The following GRAMD4 variants were observed in gnomAD, a reference collection of about 807,000 sequenced individuals.
GRAMD4 encodes GRAM domain containing 4.
Under a neutral mutation model 83.9 loss-of-function variants are expected in GRAMD4, and 25 were observed. The observed-to-expected ratio is 0.30, with a 90% CI of 0.22 to 0.42. The LOEUF (loss-of-function observed/expected upper bound fraction) is 0.42. Ranked by LOEUF, GRAMD4 falls within the 10% of genes least tolerant of loss-of-function variation. The probability of loss-of-function intolerance (pLI) is 1.00; values close to 1 mark genes in which losing one functional copy is unlikely to be tolerated. For synonymous variants in GRAMD4, 336 were observed against 320.9 expected (o/e 1.05, Z -0.50); for missense variants, 593 against 788.7 (o/e 0.75, Z 2.97).
chr22:46,646,149 G>A (rs1294489870), intron 3 of GRAMD4, among the ~76,000 whole-genome samples: 1 of 152,212 alleles, frequency 6.6e-6, no homozygotes, highest in African/African-American at 2.4e-5. Flanking sequence ...GCTGGAGGGT[G>A]CTCCCCTAGG....
At chr22:46,587,973 G>T (rs2081167746) in intron 1 of GRAMD4, 1 of 984,076 alleles carries the variant, frequency 1.0e-6, no homozygotes, top group Middle Eastern at 5.2e-4. Context: ...GGTCCAGGGG[G>T]CCAGGGCCTG....
chr22:46,629,857 G>A (rs1601593834), intron 2 of GRAMD4, among the ~76,000 whole-genome samples: 2 of 152,138 alleles, frequency 1.3e-5, no homozygotes, highest in African/African-American at 4.8e-5. Flanking sequence ...GCTTTCTGTC[G>A]ATGGATTTGC....
At chr22:46,648,216 G>T (rs2082099085) in intron 3 of GRAMD4, among the ~76,000 whole-genome samples, 1 of 152,042 alleles carries the variant, frequency 6.6e-6, no homozygotes, top group South Asian at 2.1e-4. Context: ...ATGGGTGGGT[G>T]GATGGATGGA....
downstream of GRAMD4, among the ~76,000 whole-genome samples, chr22:46,680,778 C>T (rs1251669397): frequency 1.5e-5 from 2 of 129,542 alleles, no homozygotes; most frequent in Non-Finnish European, 3.2e-5. Flanking sequence ...ATCCATCCAT[C>T]CACCCACCCA....
At chr22:46,680,753 TCCACCCAC>T (rs1569313710), downstream of GRAMD4, among the ~76,000 whole-genome samples, 144 of 83,640 alleles carry the variant, frequency 1.7e-3, 3 homozygotes, top group African/African-American at 6.3e-3. Context: ...CATCCATCCA[TCCACCCAC>T]CCATCCATCC....
chr22:46,646,052 G>T (rs894900280), intron 3 of GRAMD4, among the ~76,000 whole-genome samples: 2 of 152,180 alleles, frequency 1.3e-5, no homozygotes, highest in Admixed American at 1.3e-4. Flanking sequence ...GGGGCTTCCC[G>T]GTTGCTAGGC....
In GRAMD4 at chr22:46,678,408, C is replaced by T; in HGVS notation, c.*1157C>T. 1 of 984,826 alleles carries T rather than the reference C, an allele frequency of 1.0e-6. No homozygotes were observed. Among genetic ancestry groups the T allele is most frequent in the Non-Finnish European group, 1.2e-6 (1 of 829,386 alleles). 61.0% of individuals were successfully genotyped at this position (984,826 alleles called of 1,614,324 possible). A position where few individuals can be genotyped will look rare whatever the true frequency, so the allele number is the denominator to read the frequency against. On this transcript the variant is annotated 3_prime_UTR_variant, in exon 19 of 19. Transcript: ENST00000406902. Reference sequence around the variant, plus strand: ...CGGGCACAGACCCCCCCAGCCCCCGCCCTGCCCCAGGGAAGCCTGGGCTTC... The same window carrying T: ...CGGGCACAGACCCCCCCAGCCCCCGTCCTGCCCCAGGGAAGCCTGGGCTTC...
At chr22:46,661,740 G>T (rs527314473) in intron 5 of GRAMD4, among the ~76,000 whole-genome samples, 4 of 152,390 alleles carry the variant, frequency 2.6e-5, no homozygotes, top group African/African-American at 9.6e-5. Context: ...CACGTACTCT[G>T]TTTCAGCCTT....
intron 1 of GRAMD4, among the ~76,000 whole-genome samples, chr22:46,590,128 C>T (rs1296517637): frequency 6.6e-6 from 1 of 151,798 alleles, no homozygotes; most frequent in Non-Finnish European, 1.5e-5. Flanking sequence ...AGAGCCTTGG[C>T]CTGGGGGGCC....
chr22:46,653,902 C>A (rs544902341), intron 3 of GRAMD4, among the ~76,000 whole-genome samples: 1 of 152,270 alleles, frequency 6.6e-6, no homozygotes, highest in South Asian at 2.1e-4. Context: ...CCTCTGTGTT[C>A]CCACGTGATA....
intron 8 of GRAMD4, 125 bp from the exon 9 acceptor site, chr22:46,665,490 G>T: frequency 1.6e-6 from 1 of 616,712 alleles, no homozygotes; most frequent in South Asian, 1.8e-5. Context: ...ATCCCTGAGT[G>T]TCTGGAGAGC....
At chr22:46,641,660 C>G (rs894742954) in intron 3 of GRAMD4, among the ~76,000 whole-genome samples, 1 of 152,042 alleles carries the variant, frequency 6.6e-6, no homozygotes, top group Non-Finnish European at 1.5e-5. Flanking sequence ...CTGGTCGTGG[C>G]GGGGTTGGGT....
At chr22:46,582,297 G>A (rs1181076047) in intron 1 of GRAMD4, among the ~76,000 whole-genome samples, 1 of 152,108 alleles carries the variant, frequency 6.6e-6, no homozygotes, top group African/African-American at 2.4e-5. Context: ...CCAAACTCCC[G>A]AGAAGCTGCA....
At chr22:46,580,017 T>C (rs1420086052) in intron 1 of GRAMD4, among the ~76,000 whole-genome samples, 1 of 152,128 alleles carries the variant, frequency 6.6e-6, no homozygotes, top group African/African-American at 2.4e-5. Flanking sequence ...TCCTGCCTCC[T>C]CCCCTGCAAG....
At chr22:46,657,221 A>AC (rs1475790891) in intron 3 of GRAMD4, among the ~76,000 whole-genome samples, 10 of 152,278 alleles carry the variant, frequency 6.6e-5, no homozygotes, top group African/African-American at 2.4e-4. Context: ...TCTGAGAAGG[A>AC]CCGAGGACCT....
At chr22:46,605,951 T>TGTGGCTGGTGCTG (rs1453125653) in intron 1 of GRAMD4, among the ~76,000 whole-genome samples, 1 of 141,450 alleles carries the variant, frequency 7.1e-6, no homozygotes. Context: ...TGCATGGGCT[T>TGTGGCTGGTGCTG]ATGGCTGGTG....
chr22:46,654,622 G>A (rs1295571626), intron 3 of GRAMD4, among the ~76,000 whole-genome samples: 1 of 152,168 alleles, frequency 6.6e-6, no homozygotes, highest in East Asian at 1.9e-4. Context: ...CTGTGACACC[G>A]AATTCCCAAG....
At chr22:46,607,491 G>A (rs543628042) in intron 1 of GRAMD4, among the ~76,000 whole-genome samples, 116 of 152,252 alleles carry the variant, frequency 7.6e-4, no homozygotes, top group Middle Eastern at 3.4e-3. Context: ...AGGAGGCACC[G>A]GGCAGGTTAC....
intron 3 of GRAMD4, among the ~76,000 whole-genome samples, chr22:46,644,497 T>G (rs1307219640): frequency 6.6e-6 from 1 of 152,162 alleles, no homozygotes; most frequent in East Asian, 1.9e-4. Flanking sequence ...CCTGTCCCTG[T>G]TCTGTGTTAC....
Sources: gnomAD v4.1 joint callset for allele counts (sites outside exome capture counted in the v4.1 genomes callset) on GRCh38, gnomAD v4.1.1 for gene constraint, MANE v1.5 for transcripts, NCBI Gene and HGNC (gene_info 2026-07-23, HGNC 2026-07-21) for gene names.